Variants in DCAF1 observed in about 807,000 individuals in gnomAD.
The protein encoded by DCAF1 is DDB1 and CUL4 associated factor 1.
Under a neutral mutation model 128.0 loss-of-function variants are expected in DCAF1, and 15 were observed. The observed-to-expected ratio is 0.12, with a 90% CI of 0.08 to 0.18. The LOEUF (loss-of-function observed/expected upper bound fraction) is 0.18, where lower values mean the gene tolerates loss of function less well. DCAF1 is among the 10% of genes least tolerant of loss of function. The pLI is 1.00. For synonymous variants in DCAF1, 610 were observed against 603.0 expected (o/e 1.01, Z -0.17); for missense variants, 988 against 1,649.5 (o/e 0.60, Z 6.95).
intron 2 of DCAF1, among the ~76,000 whole-genome samples, chr3:51,486,804 T>C (rs1707010479): frequency 6.6e-6 from 1 of 151,770 alleles, no homozygotes; most frequent in Admixed American, 6.6e-5. Flanking sequence ...CGGCTAATTT[T>C]TGTATTTTTA....
At chr3:51,488,015 C>T (rs1302077669) in intron 2 of DCAF1, among the ~76,000 whole-genome samples, 3 of 152,030 alleles carry the variant, frequency 2.0e-5, no homozygotes, top group African/African-American at 7.2e-5. Flanking sequence ...CAGGCACGCG[C>T]CATCATGCCC....
chr3:51,491,925 A>T (rs1447736971), intron 2 of DCAF1, among the ~76,000 whole-genome samples: 5 of 152,092 alleles, frequency 3.3e-5, no homozygotes, highest in African/African-American at 1.2e-4. Flanking sequence ...TGGGAGGCCG[A>T]GGTGGGCAGA....
At chr3:51,472,267 T>C (rs1334540370) in intron 3 of DCAF1, among the ~76,000 whole-genome samples, 3 of 152,192 alleles carry the variant, frequency 2.0e-5, no homozygotes, top group Non-Finnish European at 4.4e-5. Context: ...GTTACAGTGC[T>C]ATTAACTCAG....
chr3:51,412,286 T>C (rs1553628665), intron 23 of DCAF1, 93 bp downstream of exon 23: 2 of 1,560,976 alleles, frequency 1.3e-6, no homozygotes, highest in African/African-American at 1.4e-5. Context: ...GTAGCAAAGG[T>C]TGAGTAGACC....
chr3:51,456,629 T>C (rs1475590621), intron 6 of DCAF1, among the ~76,000 whole-genome samples: 1 of 152,224 alleles, frequency 6.6e-6, no homozygotes, highest in African/African-American at 2.4e-5. Context: ...AGTGGGTCCC[T>C]GACCCCCAAG....
chr3:51,474,211 G>A (rs1705145412), intron 3 of DCAF1, among the ~76,000 whole-genome samples: 1 of 152,046 alleles, frequency 6.6e-6, no homozygotes, highest in Non-Finnish European at 1.5e-5. Context: ...CTGAGGTTGG[G>A]AGTTCGAAAT....
intron 2 of DCAF1, among the ~76,000 whole-genome samples, chr3:51,491,529 C>T (rs1329911149): frequency 6.6e-6 from 1 of 151,998 alleles, no homozygotes; most frequent in Non-Finnish European, 1.5e-5. Context: ...GTACCAAGAC[C>T]ATTCAATAGG....
intron 13 of DCAF1, among the ~76,000 whole-genome samples, chr3:51,424,060 T>C (rs896088288): frequency 6.6e-6 from 1 of 151,972 alleles, no homozygotes. Context: ...AAATGTAAGA[T>C]ATAAAATTAA....
chr3:51,471,187 TTC>T (rs1401966697), intron 3 of DCAF1, among the ~76,000 whole-genome samples, 182 bp from the exon 4 acceptor site: 4 of 149,796 alleles, frequency 2.7e-5, no homozygotes, highest in South Asian at 2.1e-4. Flanking sequence ...CCCAAACTCA[TTC>T]TTTTTTTTTT....
intron 13 of DCAF1, among the ~76,000 whole-genome samples, chr3:51,426,297 C>T (rs1409546677): frequency 6.6e-6 from 1 of 152,044 alleles, no homozygotes; most frequent in Non-Finnish European, 1.5e-5. Flanking sequence ...GCAACCTCTG[C>T]CTCCTGGGTT....
At chr3:51,429,135 A>C (rs924007317) in intron 12 of DCAF1, 126 bp downstream of exon 12, 2 of 638,758 alleles carry the variant, frequency 3.1e-6, no homozygotes, top group Non-Finnish European at 5.8e-6. Flanking sequence ...TTCTGCCTTC[A>C]TACAGGGAAG....
At chr3:51,472,521 G>A (rs1489176344) in intron 3 of DCAF1, among the ~76,000 whole-genome samples, 2 of 151,900 alleles carry the variant, frequency 1.3e-5, no homozygotes, top group South Asian at 4.2e-4. Context: ...CAAGTAGCTG[G>A]GTCTATAGGC....
At chr3:51,487,993 T>C (rs1309810109) in intron 2 of DCAF1, among the ~76,000 whole-genome samples, 2 of 152,100 alleles carry the variant, frequency 1.3e-5, no homozygotes, top group African/African-American at 4.8e-5. Context: ...GCTTCCCGAA[T>C]AGCTGGGGCT....
chr3:51,465,136 A>T (rs1703999336), intron 5 of DCAF1, among the ~76,000 whole-genome samples: 1 of 152,144 alleles, frequency 6.6e-6, no homozygotes, highest in Non-Finnish European at 1.5e-5. Flanking sequence ...GGTCTAGCTA[A>T]ACTGGGGTCT....
intron 7 of DCAF1, among the ~76,000 whole-genome samples, chr3:51,443,400 C>A (rs1159734010): frequency 2.0e-5 from 3 of 151,964 alleles, no homozygotes; most frequent in Admixed American, 2.0e-4. Context: ...ACCAGCCCGA[C>A]CAACATGGTG....
chr3:51,427,626 A>T (rs1700016213), intron 12 of DCAF1, 85 bp from the exon 13 acceptor site: 1 of 446,728 alleles, frequency 2.2e-6, no homozygotes, highest in Non-Finnish European at 4.1e-6. Context: ...ACTGGCCAAG[A>T]GATTTTATTT....
intron 17 of DCAF1, among the ~76,000 whole-genome samples, chr3:51,417,592 C>T (rs1698997606): frequency 2.0e-5 from 3 of 151,966 alleles, no homozygotes; most frequent in South Asian, 4.2e-4. Flanking sequence ...TGGTGGCGGG[C>T]GCCTCTAGTC....
At chr3:51,485,510 T>A (rs1706825883) in intron 2 of DCAF1, among the ~76,000 whole-genome samples, 1 of 152,176 alleles carries the variant, frequency 6.6e-6, no homozygotes, top group Non-Finnish European at 1.5e-5. Flanking sequence ...ACGCAAATGT[T>A]TGACAGGTTA....
chr3:51,471,366 G>A lies in DCAF1; in HGVS notation c.111-361C>T, dbSNP rs192269318. 2.0e-5 allele frequency among the ~76,000 whole-genome samples: 3 copies of A among 151,664 alleles called. 1 individual carries two copies. Among genetic ancestry groups the A allele is most frequent in the Admixed American group, 2.0e-4 (3 of 15,210 alleles). On this transcript the variant is annotated intron_variant, in intron 3 of 24. Transcript: ENST00000684031. ...GCCCGGCTAACTTTCTGTACTTTTAGTAGAGACGGGGTTTCACCATGCTAG... is the reference window on the plus strand; with the variant it reads ...GCCCGGCTAACTTTCTGTACTTTTAATAGAGACGGGGTTTCACCATGCTAG...
Sources: gnomAD v4.1 joint callset for allele counts (sites outside exome capture counted in the v4.1 genomes callset) on GRCh38, gnomAD v4.1.1 for gene constraint, MANE v1.5 for transcripts, NCBI Gene and HGNC (gene_info 2026-07-23, HGNC 2026-07-21) for gene names.